The following MEGF11 variants were observed in gnomAD, a reference collection of about 807,000 sequenced individuals.
MEGF11 encodes multiple epidermal growth factor-like domains protein 11.
Under a neutral mutation model 146.6 loss-of-function variants are expected in MEGF11, and 126 were observed. That is an observed-to-expected ratio of 0.86 (90% confidence interval 0.74 to 1.00). The LOEUF (loss-of-function observed/expected upper bound fraction) is 1.00. Ranked by LOEUF, MEGF11 falls within the 50% of genes least tolerant of loss-of-function variation. The pLI, the probability that MEGF11 is intolerant of heterozygous loss-of-function variation, is 0.00. For missense variants in MEGF11, 1,509 were observed against 1,521.2 expected, an observed-to-expected ratio of 0.99 and a Z score of 0.13; for synonymous variants, 532 against 583.4, an observed-to-expected ratio of 0.91 and a Z score of 1.27.
intron 15 of MEGF11, 124 bp downstream of exon 15, chr15:65,922,214 C>T: frequency 8.1e-7 from 1 of 1,236,038 alleles, no homozygotes; most frequent in Non-Finnish European, 1.1e-6. Flanking sequence ...CAGCCCAAGT[C>T]CTGAAGAGGG....
At chr15:66,037,590 C>G (rs1433868329) in intron 5 of MEGF11, among the ~76,000 whole-genome samples, 1 of 152,152 alleles carries the variant, frequency 6.6e-6, no homozygotes, top group Non-Finnish European at 1.5e-5. Context: ...TTCTCCTGGT[C>G]CCATCATAGG....
At position 65,918,036 on chromosome 15, in the gene MEGF11, G is replaced by A. The variant is rs767950937; in HGVS notation, c.2016C>T (p.Asn672=). Residue 672 remains asparagine, a synonymous_variant, in exon 16 of 26, where the codon AAC becomes AAT. Coordinates refer to ENST00000395614, the MANE Select transcript of MEGF11 (RefSeq NM_001385028.1). Reference sequence around the variant, plus strand: ...AGCCATCGATAGGGCTGCAGGTCCCGTTGTTGGCACAGGAGCAGAGCTGGG... The same window carrying A: ...AGCCATCGATAGGGCTGCAGGTCCCATTGTTGGCACAGGAGCAGAGCTGGG... The part of the protein sequence containing the change: ...DCAQLCSCAN[N]GTCSPIDGSC... The A allele has an allele frequency of 5.6e-6, 9 of 1,613,878 alleles. No homozygotes were observed. Among genetic ancestry groups the A allele is most frequent in the Admixed American group, 1.7e-5 (1 of 60,008 alleles).
intron 1 of MEGF11, among the ~76,000 whole-genome samples, chr15:66,213,270 G>A (rs1056362467): frequency 6.6e-6 from 1 of 152,074 alleles, no homozygotes; most frequent in Non-Finnish European, 1.5e-5. Context: ...CAGAGATGAG[G>A]CCAACCCTTC....
chr15:66,135,954 T>C (rs1337056340), intron 1 of MEGF11, among the ~76,000 whole-genome samples: 1 of 152,200 alleles, frequency 6.6e-6, no homozygotes, highest in Non-Finnish European at 1.5e-5. Flanking sequence ...CTTCCAACTC[T>C]GTAAGCTTAC....
rs1003688313 is a variant in MEGF11, at chr15:66,128,425, C to A, written c.-8-14G>T. The A allele has an allele frequency of 1.4e-6, 2 of 1,412,652 alleles. No homozygotes were observed. The highest frequency in any genetic ancestry group is 1.9e-6 in the Non-Finnish European group (2 of 1,072,574). 87.5% of individuals were successfully genotyped at this position (1,412,652 alleles called of 1,614,324 possible). A position where few individuals can be genotyped will look rare whatever the true frequency, so the allele number is the denominator to read the frequency against. ...CCATCCCGGGCCCTGCACAGGAGAA[C>A]AAAGGAGGCTGCGTCTGTGATCAGA... On this transcript the variant is annotated splice_polypyrimidine_tract_variant and intron_variant, in intron 1 of 25. Transcript: ENST00000395614.
chr15:66,037,032 G>A (rs1273450312), intron 5 of MEGF11, among the ~76,000 whole-genome samples: 2 of 152,198 alleles, frequency 1.3e-5, no homozygotes, highest in African/African-American at 2.4e-5. Context: ...AATAACCTAC[G>A]CTGTCTCTTA....
At chr15:66,043,130 T>C (rs1210298928) in intron 5 of MEGF11, among the ~76,000 whole-genome samples, 1 of 152,248 alleles carries the variant, frequency 6.6e-6, no homozygotes. Flanking sequence ...GAGCTTTCCT[T>C]GTCTTCACAT....
chr15:66,080,072 G>A (rs376601824), intron 5 of MEGF11, among the ~76,000 whole-genome samples: 82 of 152,356 alleles, frequency 5.4e-4, no homozygotes, highest in East Asian at 5.0e-3. Context: ...GCTGGGGGAT[G>A]TGACAGCCAA....
At chr15:66,172,146 G>A (rs2090276183) in intron 1 of MEGF11, among the ~76,000 whole-genome samples, 1 of 152,226 alleles carries the variant, frequency 6.6e-6, no homozygotes, top group Non-Finnish European at 1.5e-5. Flanking sequence ...CCTCCTCCAG[G>A]ACTAGGCTGG....
chr15:66,247,680 G>A (rs1413966016), intron 1 of MEGF11, among the ~76,000 whole-genome samples: 1 of 152,194 alleles, frequency 6.6e-6, no homozygotes, highest in African/African-American at 2.4e-5. Flanking sequence ...GTTTGAGGCT[G>A]CAGTGAGCTA....
chr15:66,171,326 GCTAGGGT>G (rs1164726665), intron 1 of MEGF11, among the ~76,000 whole-genome samples: 4 of 152,216 alleles, frequency 2.6e-5, no homozygotes, highest in African/African-American at 7.2e-5. Context: ...TGGGAGGAGA[GCTAGGGT>G]CCCACCAGTG....
Position 65,897,915 on chromosome 15 carries a change from A to G in MEGF11, c.*19T>C. The G allele has an allele frequency of 1.9e-6, 3 of 1,611,002 alleles. No homozygotes were observed. The highest frequency in any genetic ancestry group is 2.5e-6 in the Non-Finnish European group (3 of 1,178,426). On this transcript the variant is annotated 3_prime_UTR_variant, in exon 26 of 26. Transcript: ENST00000395614. ...AGAATATTCAGTAGAGCACACTGCA[A>G]GAGAGAAGCTTATCCCTCTTAAGAT...
At chr15:66,204,635 C>T in intron 1 of MEGF11, among the ~76,000 whole-genome samples, 1 of 152,154 alleles carries the variant, frequency 6.6e-6, no homozygotes, top group East Asian at 1.9e-4. Context: ...TGAAACCATC[C>T]TTACCAAGTC....
chr15:65,954,966 C>T (rs1019801191), intron 10 of MEGF11, among the ~76,000 whole-genome samples: 1 of 152,154 alleles, frequency 6.6e-6, no homozygotes, highest in Non-Finnish European at 1.5e-5. Flanking sequence ...TATACACATA[C>T]CTTCTTGCTC....
chr15:66,129,513 A>C (rs543399214), intron 1 of MEGF11, among the ~76,000 whole-genome samples: 1 of 152,382 alleles, frequency 6.6e-6, no homozygotes, highest in South Asian at 2.1e-4. Context: ...AACACTAAAA[A>C]TTACAACTTC....
intron 1 of MEGF11, among the ~76,000 whole-genome samples, chr15:66,185,245 G>A (rs971313855): frequency 1.5e-4 from 23 of 151,934 alleles, no homozygotes; most frequent in African/African-American, 5.3e-4. Context: ...GCACTGCCCC[G>A]CCAGCCCCTG....
chr15:65,930,567 G>A (rs72742826), intron 11 of MEGF11, among the ~76,000 whole-genome samples: 4,491 of 152,206 alleles, frequency 0.03, 127 homozygotes, highest in Middle Eastern at 0.071. Context: ...AGGTGTTAAC[G>A]TGTCTCGGTT....
intron 5 of MEGF11, among the ~76,000 whole-genome samples, chr15:66,014,566 C>T (rs774039240): frequency 2.0e-5 from 3 of 152,062 alleles, no homozygotes; most frequent in East Asian, 1.9e-4. Context: ...GTGATAGGCA[C>T]GAAAAACCGC....
At position 65,924,916 on chromosome 15, in the gene MEGF11, A is replaced by G. The variant is rs2079316665; in HGVS notation, c.1676-1947T>C. On this transcript the variant is annotated intron_variant, in intron 13 of 25. Transcript: ENST00000395614. ...AGTGCTGGGATTACAGTCGTGAGCC[A>G]CTGTGCTGGCCTAGGATTTCTTTTG... 2.0e-5 allele frequency among the ~76,000 whole-genome samples: 3 copies of G among 152,160 alleles called. No individual in the cohort carries two copies. In the South Asian group the frequency reaches 6.2e-4, roughly 32 times the overall value.
Sources: gnomAD v4.1 joint callset for allele counts (sites outside exome capture counted in the v4.1 genomes callset) on GRCh38, gnomAD v4.1.1 for gene constraint, MANE v1.5 for transcripts, NCBI Gene and HGNC (gene_info 2026-07-23, HGNC 2026-07-21) for gene names.